CCDC141: variants seen among roughly 807,000 people sequenced by gnomAD.
CCDC141 encodes coiled-coil domain containing 141.
A neutral mutation model predicts 181.0 loss-of-function variants in CCDC141; 168 were observed. The ratio of observed to expected loss-of-function variants is 0.93; its 90% confidence interval spans 0.82 to 1.05. The LOEUF (loss-of-function observed/expected upper bound fraction) is 1.05. CCDC141 is among the 50% of genes least tolerant of loss of function. The pLI, the probability that CCDC141 is intolerant of heterozygous loss-of-function variation, is 0.00. For synonymous variants in CCDC141, 666 were observed against 642.3 expected, an observed-to-expected ratio of 1.04 and a Z score of -0.56; for missense variants, 1,902 against 1,788.5, an observed-to-expected ratio of 1.06 and a Z score of -1.14.
intron 2 of CCDC141, among the ~76,000 whole-genome samples, chr2:179,018,787 A>G (rs77944807): frequency 0.033 from 5,091 of 152,300 alleles, 98 homozygotes; most frequent in South Asian, 0.058. Flanking sequence ...GAGCAAGAAC[A>G]GTGTCACTCA....
At chr2:179,005,531 A>G (rs1422754026) in intron 2 of CCDC141, among the ~76,000 whole-genome samples, 2 of 152,188 alleles carry the variant, frequency 1.3e-5, no homozygotes, top group African/African-American at 4.8e-5. Context: ...ATTATAAACA[A>G]TCTTTTTACC....
chr2:178,839,149 C>T (rs1684613438), intron 22 of CCDC141, among the ~76,000 whole-genome samples: 1 of 152,150 alleles, frequency 6.6e-6, no homozygotes, highest in African/African-American at 2.4e-5. Context: ...TGCGGTGGCT[C>T]ACACCTGTAA....
intron 20 of CCDC141, among the ~76,000 whole-genome samples, chr2:178,851,974 G>A (rs1685183169): frequency 6.6e-6 from 1 of 152,118 alleles, no homozygotes; most frequent in African/African-American, 2.4e-5. Context: ...AAAATATATA[G>A]CTTCCCTACC....
intron 2 of CCDC141, among the ~76,000 whole-genome samples, chr2:179,026,581 G>T (rs2154386341): frequency 6.6e-6 from 1 of 152,308 alleles, no homozygotes; most frequent in Non-Finnish European, 1.5e-5. Context: ...AGGGAAATGT[G>T]GGGTCAGAGC....
chr2:178,984,733 T>C (rs1053405863), intron 2 of CCDC141, among the ~76,000 whole-genome samples: 16 of 150,896 alleles, frequency 1.1e-4, no homozygotes, highest in Non-Finnish European at 1.9e-4. Context: ...CATTACATAA[T>C]GGTAAAGGGA....
chr2:178,931,727 T>A (rs192626080), intron 6 of CCDC141, among the ~76,000 whole-genome samples: 172 of 148,026 alleles, frequency 1.2e-3, no homozygotes, highest in African/African-American at 4.0e-3. Context: ...GAAAATATTC[T>A]GAACTAGGTA....
chr2:179,003,302 C>A (rs371698076), intron 2 of CCDC141, among the ~76,000 whole-genome samples: 5 of 152,126 alleles, frequency 3.3e-5, no homozygotes, highest in East Asian at 1.9e-4. Flanking sequence ...GTGAAATAAA[C>A]CTCCTGTCAA....
At chr2:179,007,234 A>C (rs545796319) in intron 2 of CCDC141, among the ~76,000 whole-genome samples, 1 of 152,342 alleles carries the variant, frequency 6.6e-6, no homozygotes, top group East Asian at 1.9e-4. Context: ...ATGTGTAGAC[A>C]GACTGTCCAT....
intron 2 of CCDC141, among the ~76,000 whole-genome samples, 157 bp downstream of exon 2, chr2:179,047,127 G>A (rs1003715914): frequency 1.3e-5 from 2 of 152,184 alleles, no homozygotes; most frequent in African/African-American, 4.8e-5. Flanking sequence ...TCTCTCTGAT[G>A]CTGTTTGTTC....
intron 2 of CCDC141, among the ~76,000 whole-genome samples, chr2:179,022,631 T>C (rs2042721724): frequency 6.6e-6 from 1 of 152,232 alleles, no homozygotes; most frequent in Non-Finnish European, 1.5e-5. Flanking sequence ...TCAGTGTCTT[T>C]CATCTGGGGA....
At chr2:178,982,798 C>T (rs1020288526) in intron 2 of CCDC141, among the ~76,000 whole-genome samples, 1 of 152,242 alleles carries the variant, frequency 6.6e-6, no homozygotes. Context: ...TATCCCGCAC[C>T]TGGCTCGGAG....
rs968541042 is a variant in CCDC141, at chr2:178,833,751, T to C, written c.*422A>G. The C allele has an allele frequency of 6.3e-6, 1 of 158,768 alleles. No homozygotes were observed. The highest frequency in any genetic ancestry group is 2.4e-5 in the African/African-American group (1 of 41,506). The allele number at this position is 158,768 out of a possible 1,614,324, so 9.8% of individuals were successfully genotyped here. On this transcript the variant is annotated 3_prime_UTR_variant, in exon 24 of 24. Coordinates refer to ENST00000443758, the MANE Select transcript of CCDC141 (RefSeq NM_173648.4). The stretch of plus-strand genomic sequence containing the variant: ...ATGCAAAAATACAACATCAATTCAA[T>C]AGTTCTACTGATATTCCCTACAAAG...
At position 179,041,038 on chromosome 2, in the gene CCDC141, C is replaced by T. The variant is rs1023487032; in HGVS notation, c.225+6246G>A. Among the ~76,000 whole-genome samples, 4 of 152,114 alleles carry T rather than the reference C, an allele frequency of 2.6e-5. No homozygotes were observed. In the Middle Eastern group the frequency reaches 0.01, roughly 388 times the overall value. Reference sequence around the variant, plus strand: ...GTAAAAGCATTCCTTTTCTCCAAATCCTCACCAGCTTCTGCTGTTGTTTTG... The same window carrying T: ...GTAAAAGCATTCCTTTTCTCCAAATTCTCACCAGCTTCTGCTGTTGTTTTG... On this transcript the variant is annotated intron_variant, in intron 2 of 23. Transcript: ENST00000443758.
chr2:178,842,763 T>C (rs138803584), intron 22 of CCDC141, among the ~76,000 whole-genome samples: 111 of 152,352 alleles, frequency 7.3e-4, no homozygotes, highest in African/African-American at 2.6e-3. Context: ...ACTTGGTCTG[T>C]AAAACACATT....
chr2:178,819,836 T>G, the CCDC141 span, among the ~76,000 whole-genome samples: 1 of 152,124 alleles, frequency 6.6e-6, no homozygotes, highest in East Asian at 1.9e-4. Flanking sequence ...TTCCTCATAT[T>G]TAAATAATTT....
In CCDC141 at chr2:178,961,446, A is replaced by G. The variant is rs1351198975; in HGVS notation, c.564T>C (p.Ser188=). ...TTTCTATGAAGTCAGTGAGTTGTTG[A>G]CTTTTGTTTAAAAGGGCTAAAGACC... ...LERSLALLNK[S]QQLTDFIEKF... The change falls in exon 5 of 24, where the codon AGT becomes AGC. Residue 188 remains serine (S), a synonymous_variant. Coordinates refer to ENST00000443758, the MANE Select transcript of CCDC141 (RefSeq NM_173648.4). The G allele has an allele frequency of 6.4e-7, 1 of 1,550,414 alleles. No individual in the cohort carries two copies. The highest frequency in any genetic ancestry group is 2.4e-5 in the East Asian group (1 of 40,928).
Position 178,855,531 on chromosome 2 carries a change from C to T in CCDC141, c.2876G>A (p.Arg959Lys), listed in dbSNP as rs756274985. 6.3e-7 allele frequency: 1 copy of T among 1,583,060 alleles called. No individual in the cohort carries two copies. Among genetic ancestry groups the T allele is most frequent in the Admixed American group, 1.9e-5 (1 of 53,262 alleles). Residue 959 changes from arginine to lysine, a missense_variant, in exon 19 of 24, where the codon AGG becomes AAG. Coordinates refer to ENST00000443758, the MANE Select transcript of CCDC141 (RefSeq NM_173648.4). ...MYAEKMQALK[R>K]KMEKVSNKTS... ...TTTATTACTAACTTTTTCCATTTTC[C>T]TTTTCAAAGCCTGTGTGAAAAACAA...
chr2:178,969,511 C>A (rs1690788435), intron 4 of CCDC141, among the ~76,000 whole-genome samples: 1 of 152,074 alleles, frequency 6.6e-6, no homozygotes, highest in Non-Finnish European at 1.5e-5. Context: ...TAAACAGAAC[C>A]AATGACAAAA....
rs575125646 is a variant in CCDC141 at position 178,844,813 on chromosome 2, C to T, written c.3474+813G>A. Among the ~76,000 whole-genome samples, 31 of 152,248 alleles carry T rather than the reference C, an allele frequency of 2.0e-4. No individual in the cohort carries two copies. The East Asian group carries it at 2.3e-3, about 11-fold the overall frequency. On this transcript the variant is annotated intron_variant, in intron 22 of 23. Transcript: ENST00000443758. ...GAAGTGTATTTTATTAATTTGAGCA[C>T]GGTTCAGAATAATGTTGACTTTGAT...
Sources: gnomAD v4.1 joint callset for allele counts (sites outside exome capture counted in the v4.1 genomes callset) on GRCh38, gnomAD v4.1.1 for gene constraint, MANE v1.5 for transcripts, NCBI Gene and HGNC (gene_info 2026-07-23, HGNC 2026-07-21) for gene names.